Variants in EXT2 observed in about 807,000 individuals in gnomAD.
EXT2 encodes the protein exostosin glycosyltransferase 2, also known as exostosin-2.
A neutral mutation model predicts 81.6 loss-of-function variants in EXT2; 53 were observed. The observed-to-expected ratio is 0.65, with a 90% confidence interval of 0.52 to 0.82. EXT2 has a LOEUF of 0.82. EXT2 is among the 40% of genes least tolerant of loss of function. The pLI, the probability that EXT2 is intolerant of heterozygous loss-of-function variation, is 0.00. For synonymous variants in EXT2, 320 were observed against 340.0 expected (o/e 0.94, Z 0.65); for missense variants, 774 against 910.2 (o/e 0.85, Z 1.93).
Position 44,195,460 on chromosome 11 carries a change from C to T in EXT2, c.1306-2369C>T, listed in dbSNP as rs142116364. Among the ~76,000 whole-genome samples, 864 of 152,026 alleles carry T rather than the reference C, an allele frequency of 5.7e-3. 5 individuals are homozygous for T. The highest frequency in any genetic ancestry group is 9.0e-3 in the Non-Finnish European group (610 of 67,930). On this transcript the variant is annotated intron_variant, in intron 8 of 13. Coordinates refer to ENST00000533608, the MANE Select transcript of EXT2 (RefSeq NM_207122.2). The stretch of plus-strand genomic sequence containing the variant: ...AAAAAAAAAGAAAAAGAAAAGATGG[C>T]GTTTCCTATTGTGTCTCTTGGTTGT...
At chr11:44,160,820 G>C (rs570090300) in intron 7 of EXT2, among the ~76,000 whole-genome samples, 2 of 152,280 alleles carry the variant, frequency 1.3e-5, no homozygotes, top group South Asian at 4.1e-4. Flanking sequence ...AAATTATTTT[G>C]TAGCTGGCTA....
intron 10 of EXT2, among the ~76,000 whole-genome samples, chr11:44,214,082 C>T (rs1283664081): frequency 1.3e-5 from 2 of 151,922 alleles, no homozygotes; most frequent in African/African-American, 2.4e-5. Context: ...GCTTGATCTC[C>T]AGACCATAGG....
At chr11:44,135,390 C>CT (rs10707708) in intron 7 of EXT2, among the ~76,000 whole-genome samples, 1,466 of 116,264 alleles carry the variant, frequency 0.013, 35 homozygotes, top group African/African-American at 0.042. Context: ...GATGGAAATA[C>CT]TTTTTTTTTT....
chr11:44,134,871 A>G (rs766695911), intron 7 of EXT2, among the ~76,000 whole-genome samples: 18 of 152,206 alleles, frequency 1.2e-4, no homozygotes, highest in Non-Finnish European at 2.2e-4. Flanking sequence ...TCAATTGACT[A>G]GAAGCCTTTG....
chr11:44,156,350 GCC>G, intron 7 of EXT2, among the ~76,000 whole-genome samples: 1 of 151,962 alleles, frequency 6.6e-6, no homozygotes, highest in Admixed American at 6.6e-5. Context: ...CTTCTTTAAG[GCC>G]AATAACTCTT....
rs1033033534 is a variant in EXT2 at position 44,248,580 on chromosome 11, G to A, written c.*4293G>A. 6.6e-6 allele frequency among the ~76,000 whole-genome samples: 1 copy of A among 152,228 alleles called. No individual in the cohort carries two copies. The highest frequency in any genetic ancestry group is 1.5e-5 in the Non-Finnish European group (1 of 68,044). On this transcript the variant is annotated 3_prime_UTR_variant, in exon 14 of 14. Transcript: ENST00000533608. ...AGGCCTTATTGAGCTTATCTTGGCAGAGGAAAGTCAGGCAGGCAAGACCCA... is the reference window on the plus strand; with the variant it reads ...AGGCCTTATTGAGCTTATCTTGGCAAAGGAAAGTCAGGCAGGCAAGACCCA...
At chr11:44,117,557 T>C (rs192021900) in intron 4 of EXT2, among the ~76,000 whole-genome samples, 1 of 152,288 alleles carries the variant, frequency 6.6e-6, no homozygotes, top group East Asian at 1.9e-4. Context: ...ACACCACTGG[T>C]TGAAAAAACA....
chr11:44,119,181 C>CAT (rs1954280449), intron 4 of EXT2, among the ~76,000 whole-genome samples: 1 of 115,232 alleles, frequency 8.7e-6, no homozygotes, highest in African/African-American at 3.1e-5. Flanking sequence ...CACATACACA[C>CAT]ACACACACAC....
At chr11:44,121,092 G>A (rs1400514096) in intron 4 of EXT2, among the ~76,000 whole-genome samples, 1 of 152,180 alleles carries the variant, frequency 6.6e-6, no homozygotes, top group Non-Finnish European at 1.5e-5. Context: ...ATCTACACTT[G>A]TTCACATTGG....
intron 1 of EXT2, among the ~76,000 whole-genome samples, chr11:44,101,684 T>C (rs1953984518): frequency 6.6e-6 from 1 of 152,172 alleles, no homozygotes; most frequent in African/African-American, 2.4e-5. Flanking sequence ...GTGTTGGCTG[T>C]CTTCTGTAGG....
chr11:44,132,318 T>G (rs1373018926), intron 7 of EXT2, among the ~76,000 whole-genome samples: 1 of 152,208 alleles, frequency 6.6e-6, no homozygotes, highest in African/African-American at 2.4e-5. Flanking sequence ...GAGATAAGCT[T>G]GGTCATTTTC....
chr11:44,243,099 A>G (rs1205282534), intron 13 of EXT2, among the ~76,000 whole-genome samples: 3 of 152,214 alleles, frequency 2.0e-5, no homozygotes, highest in Admixed American at 1.3e-4. Flanking sequence ...TTAGAAACAT[A>G]ATGACCAAGA....
chr11:44,203,647 T>C (rs985896785), intron 9 of EXT2, among the ~76,000 whole-genome samples: 8 of 152,182 alleles, frequency 5.3e-5, no homozygotes, highest in Admixed American at 3.9e-4. Flanking sequence ...GGGAAGCCAG[T>C]TGGGGTGTGC....
At chr11:44,232,685 A>C (rs1955913613) in intron 11 of EXT2, among the ~76,000 whole-genome samples, 189 bp downstream of exon 11, 2 of 152,352 alleles carry the variant, frequency 1.3e-5, no homozygotes, top group South Asian at 4.1e-4. Flanking sequence ...AAAATATGAA[A>C]ATAGAATGAA....
intron 10 of EXT2, among the ~76,000 whole-genome samples, chr11:44,218,703 A>G (rs1351601320): frequency 2.6e-5 from 4 of 151,718 alleles, no homozygotes; most frequent in Admixed American, 2.6e-4. Context: ...GAGATGCTGT[A>G]TAACGTTTAT....
At chr11:44,180,179 C>T (rs1297394282) in intron 8 of EXT2, among the ~76,000 whole-genome samples, 1 of 152,166 alleles carries the variant, frequency 6.6e-6, no homozygotes, top group Non-Finnish European at 1.5e-5. Flanking sequence ...CTTCCTATTT[C>T]CCCATTAATG....
intron 6 of EXT2, among the ~76,000 whole-genome samples, chr11:44,127,904 T>A (rs774790635): frequency 2.6e-5 from 4 of 152,250 alleles, no homozygotes; most frequent in African/African-American, 9.6e-5. Context: ...TCCATTCTAC[T>A]GGGTGTTCAC....
At chr11:44,155,441 G>A (rs778179595) in intron 7 of EXT2, among the ~76,000 whole-genome samples, 11 of 151,422 alleles carry the variant, frequency 7.3e-5, no homozygotes, top group Admixed American at 2.0e-4. Flanking sequence ...GATTTTCTCT[G>A]GTAGTATGAT....
intron 7 of EXT2, chr11:44,144,312 C>T: frequency 6.3e-7 from 1 of 1,598,434 alleles, no homozygotes; most frequent in Non-Finnish European, 8.5e-7. Context: ...ACTCCCTGAT[C>T]TGGCCTAGGG....
Sources: allele counts gnomAD v4.1 joint callset (sites outside exome capture counted in the v4.1 genomes callset), GRCh38; gene constraint gnomAD v4.1.1; transcripts MANE v1.5; gene names NCBI Gene and HGNC (gene_info 2026-07-23, HGNC 2026-07-21).